CDC42BPB: variants seen among roughly 807,000 people sequenced by gnomAD.
The protein encoded by CDC42BPB is CDC42 binding protein kinase beta.
Under a neutral mutation model 214.9 loss-of-function variants are expected in CDC42BPB, and 37 were observed. That is an observed-to-expected ratio of 0.17 (90% CI 0.13 to 0.23). CDC42BPB has a LOEUF of 0.23. Ranked by LOEUF, CDC42BPB falls within the 10% of genes least tolerant of loss-of-function variation. CDC42BPB has a pLI of 1.00. For missense variants in CDC42BPB, 1,694 were observed against 2,227.0 expected (o/e 0.76, Z 4.82); for synonymous variants, 931 against 884.0 (o/e 1.05, Z -0.94).
In CDC42BPB at chr14:102,969,567, C is replaced by T. The variant is rs142394406; in HGVS notation, c.1995+584G>A. Among the ~76,000 whole-genome samples the T allele has an allele frequency of 3.3e-3, 508 of 152,314 alleles. 2 individuals carry two copies. Among genetic ancestry groups the T allele is most frequent in the African/African-American group, 0.011 (469 of 41,574 alleles). On this transcript the variant is annotated intron_variant, in intron 14 of 36. Transcript: ENST00000361246. ...AGGAAGAGTTGCCAGATCACTGAGG[C>T]GAAGGGAGAGGGCAGACCCATCGCA... is the stretch of plus-strand genomic sequence containing the variant.
rs1468171740 is a variant in CDC42BPB, at chr14:102,933,751, G to A, written c.5097C>T (p.Leu1699=). 6 of 1,496,610 alleles carry A rather than the reference G, an allele frequency of 4.0e-6. No homozygotes were observed. The African/African-American group carries it at 5.9e-5, about 15-fold the overall frequency. The allele number at this position is 1,496,610 out of a possible 1,614,324, so 92.7% of individuals were successfully genotyped here. ...CCGGCTGCTCCAGGCCTTCGAGGGG[G>A]AGCTGGCTCCTGTGGGGGGAGTTGG... ...PSPNSPHRSQ[L]PLEGLEQPAC... The change falls in exon 37 of 37, where the codon CTC becomes CTT. Residue 1699 remains leucine, a synonymous_variant. Transcript: ENST00000361246.
At chr14:103,056,685 T>C (rs986764575) in intron 1 of CDC42BPB, among the ~76,000 whole-genome samples, 1 of 20,200 alleles carries the variant, frequency 5.0e-5, no homozygotes, top group African/African-American at 2.1e-4. Context: ...GGGGAGGGGG[T>C]GGGAGTGGGA....
At chr14:102,985,901 G>A (rs1054668891) in intron 6 of CDC42BPB, among the ~76,000 whole-genome samples, 2 of 152,258 alleles carry the variant, frequency 1.3e-5, no homozygotes, top group African/African-American at 4.8e-5. Flanking sequence ...TGGTCTGACT[G>A]CGGGGTGGAG....
rs375797510 is a variant in CDC42BPB, at chr14:102,995,317, G to A, written c.596+4248C>T. On this transcript the variant is annotated intron_variant, in intron 5 of 36. Transcript: ENST00000361246. ...AGCCTCCCGAGCAGCTGGGAGTACA[G>A]GTGCTCATCACTAAGCCTGGCTAAT... Among the ~76,000 whole-genome samples the A allele has an allele frequency of 4.1e-4, 62 of 152,220 alleles. 2 individuals are homozygous for A. The South Asian group carries it at 0.013, about 31-fold the overall frequency.
At chr14:103,042,411 C>T (rs552115575) in intron 1 of CDC42BPB, among the ~76,000 whole-genome samples, 64 of 152,124 alleles carry the variant, frequency 4.2e-4, no homozygotes, top group Middle Eastern at 3.4e-3. Context: ...CCCGGGTTCA[C>T]GCCGTTCTCC....
chr14:103,003,526 G>A (rs1187697486), intron 4 of CDC42BPB, among the ~76,000 whole-genome samples: 1 of 152,232 alleles, frequency 6.6e-6, no homozygotes, highest in Non-Finnish European at 1.5e-5. Context: ...GGGAAGACAG[G>A]AGGACTGCAG....
rs772395932 is a variant in CDC42BPB, at chr14:102,999,559, G to A, written c.596+6C>T. The A allele has an allele frequency of 1.2e-5, 19 of 1,613,428 alleles. No homozygotes were observed. Among genetic ancestry groups the A allele is most frequent in the Admixed American group, 8.3e-5 (5 of 59,972 alleles). On this transcript the variant is annotated splice_donor_region_variant and intron_variant, in intron 5 of 36. Coordinates refer to ENST00000361246, the MANE Select transcript of CDC42BPB (RefSeq NM_006035.4). ...GTTTCCATAAAATATATCAGAAGCC[G>A]GTTACCTGTGCACGTAATGAAGCTG...
intron 1 of CDC42BPB, among the ~76,000 whole-genome samples, chr14:103,020,318 G>A (rs1261518274): frequency 1.3e-5 from 2 of 152,174 alleles, no homozygotes; most frequent in African/African-American, 4.8e-5. Context: ...CCCCCGAGTC[G>A]TCAACTCCAC....
chr14:102,942,160 G>C (rs1404656477), intron 30 of CDC42BPB, among the ~76,000 whole-genome samples: 1 of 152,236 alleles, frequency 6.6e-6, no homozygotes, highest in African/African-American at 2.4e-5. Context: ...TCCAGGACAA[G>C]GGGTGCTGAG....
At chr14:103,005,660 G>C (rs989416256) in intron 3 of CDC42BPB, among the ~76,000 whole-genome samples, 1 of 151,996 alleles carries the variant, frequency 6.6e-6, no homozygotes, top group Non-Finnish European at 1.5e-5. Context: ...CTGTACTCCA[G>C]CCTGTACAAC....
chr14:102,997,424 G>A (rs1041295365), intron 5 of CDC42BPB, among the ~76,000 whole-genome samples: 4 of 151,958 alleles, frequency 2.6e-5, no homozygotes, highest in Admixed American at 1.3e-4. Context: ...AAACTAAAAA[G>A]CCAAGAAAAA....
intron 5 of CDC42BPB, among the ~76,000 whole-genome samples, chr14:102,992,735 AT>A (rs1446280518): frequency 6.6e-6 from 1 of 150,936 alleles, no homozygotes; most frequent in Non-Finnish European, 1.5e-5. Flanking sequence ...CATCTGCTGA[AT>A]ATACATATAT....
chr14:103,024,780 C>G (rs1886956454), intron 1 of CDC42BPB, among the ~76,000 whole-genome samples: 1 of 152,172 alleles, frequency 6.6e-6, no homozygotes. Context: ...AATAATATCT[C>G]TACAGGCATA....
intron 1 of CDC42BPB, among the ~76,000 whole-genome samples, chr14:103,019,090 T>G (rs985177992): frequency 6.6e-6 from 1 of 152,152 alleles, no homozygotes; most frequent in Non-Finnish European, 1.5e-5. Context: ...ACCACAGGCA[T>G]GCTCCCATGC....
chr14:103,013,669 G>T (rs571247662), intron 1 of CDC42BPB, among the ~76,000 whole-genome samples: 89 of 152,354 alleles, frequency 5.8e-4, no homozygotes, highest in Non-Finnish European at 9.6e-4. Context: ...AGTGGGGATG[G>T]AGGCAGAGGC....
At chr14:103,047,067 C>T (rs923208348) in intron 1 of CDC42BPB, among the ~76,000 whole-genome samples, 3 of 151,412 alleles carry the variant, frequency 2.0e-5, no homozygotes, top group Non-Finnish European at 2.9e-5. Context: ...GGGTGGATCA[C>T]GAGGTAAGGA....
chr14:102,991,279 C>G (rs1054181518), intron 5 of CDC42BPB, among the ~76,000 whole-genome samples: 6 of 152,206 alleles, frequency 3.9e-5, no homozygotes, highest in African/African-American at 1.4e-4. Context: ...AACACATCAT[C>G]TCAATCTATC....
intron 36 of CDC42BPB, among the ~76,000 whole-genome samples, chr14:102,935,610 T>C (rs561152198): frequency 1.3e-5 from 2 of 151,670 alleles, no homozygotes; most frequent in African/African-American, 2.4e-5. Flanking sequence ...GCCAACATGG[T>C]GAAACCCCGC....
intron 1 of CDC42BPB, among the ~76,000 whole-genome samples, chr14:103,035,059 A>C (rs1242224688): frequency 6.9e-6 from 1 of 145,360 alleles, no homozygotes; most frequent in Admixed American, 6.7e-5. Flanking sequence ...TTAATTCTAT[A>C]CTTTTTTTTT....
Sources: allele counts gnomAD v4.1 joint callset (sites outside exome capture counted in the v4.1 genomes callset), GRCh38; gene constraint gnomAD v4.1.1; transcripts MANE v1.5; gene names NCBI Gene and HGNC (gene_info 2026-07-23, HGNC 2026-07-21).